CCDC146: variants seen among roughly 807,000 people sequenced by gnomAD.
The protein encoded by CCDC146 is coiled-coil domain-containing protein 146.
Under a neutral mutation model 119.3 loss-of-function variants are expected in CCDC146, and 92 were observed. That is an observed-to-expected ratio of 0.77 (90% CI 0.65 to 0.92). CCDC146 has a LOEUF of 0.92. Among genes scored for constraint, CCDC146 ranks in the 40% least tolerant of loss-of-function variants. The probability of loss-of-function intolerance (pLI) is 0.00; values close to 1 mark genes in which losing one functional copy is unlikely to be tolerated. For missense variants in CCDC146, 1,000 were observed against 1,103.0 expected, an observed-to-expected ratio of 0.91 and a Z score of 1.32; for synonymous variants, 372 against 371.8, an observed-to-expected ratio of 1.00 and a Z score of -0.01.
In CCDC146 at chr7:77,287,435, CAT is replaced by C; in HGVS notation, c.2278-3_2278-2del. On this transcript the variant is annotated splice_region_variant and splice_polypyrimidine_tract_variant and intron_variant, in intron 16 of 18. Transcript: ENST00000285871. ...TATTCCTCTTGAACCAATTTTCAAA[CAT>C]AGCTGGAACTACAACTGGCCAAGAA... 3 of 1,613,208 alleles carry C rather than the reference CAT, an allele frequency of 1.9e-6. No individual in the cohort carries two copies. The highest frequency in any genetic ancestry group is 2.5e-6 in the Non-Finnish European group (3 of 1,179,658).
chr7:77,163,847 CTTTCTTTTT>C (rs1225406165), intron 1 of CCDC146, among the ~76,000 whole-genome samples: 2 of 132,886 alleles, frequency 1.5e-5, no homozygotes, highest in East Asian at 4.4e-4. Context: ...TTCTTTCTTT[CTTTCTTTTT>C]TTTCTTTTTT....
chr7:77,256,232 A>C (rs1018351970), intron 5 of CCDC146, 101 bp from the exon 6 acceptor site: 4 of 805,174 alleles, frequency 5.0e-6, no homozygotes, highest in Non-Finnish European at 7.6e-6. Context: ...TTCAAAACAA[A>C]TATAATCAAA....
At chr7:77,276,005 G>T (rs1242962241) in intron 11 of CCDC146, among the ~76,000 whole-genome samples, 1 of 151,888 alleles carries the variant, frequency 6.6e-6, no homozygotes, top group African/African-American at 2.4e-5. Flanking sequence ...TCAGGAGTTT[G>T]AGACCAGCCT....
intron 9 of CCDC146, among the ~76,000 whole-genome samples, chr7:77,270,887 A>T (rs1474822374): frequency 1.3e-5 from 2 of 152,206 alleles, no homozygotes; most frequent in Non-Finnish European, 2.9e-5. Context: ...AGCAAAAGAC[A>T]TAAATGATTG....
intron 15 of CCDC146, among the ~76,000 whole-genome samples, chr7:77,284,401 T>A (rs576992755): frequency 1.3e-5 from 2 of 152,034 alleles, no homozygotes; most frequent in East Asian, 3.9e-4. Flanking sequence ...CCCCAGGAAC[T>A]CCATGCTTGC....
At chr7:77,209,763 A>G (rs1792147739) in intron 2 of CCDC146, among the ~76,000 whole-genome samples, 1 of 152,196 alleles carries the variant, frequency 6.6e-6, no homozygotes, top group African/African-American at 2.4e-5. Flanking sequence ...TGCCCTCTGC[A>G]CACCCACAGG....
rs1434859574 is a variant in CCDC146, at chr7:77,196,824, C to T, written c.156+29000C>T. The T allele has an allele frequency of 6.2e-6, 10 of 1,614,116 alleles. No homozygotes were observed. Among genetic ancestry groups the T allele is most frequent in the African/African-American group, 2.7e-5 (2 of 75,020 alleles). Reference sequence around the variant, plus strand: ...GTTCTGGTGAAGTTGGTGCTCCCATCGAGACGTGCCTGCAGCACTGTCCAG... The same window carrying T: ...GTTCTGGTGAAGTTGGTGCTCCCATTGAGACGTGCCTGCAGCACTGTCCAG... On this transcript the variant is annotated intron_variant, in intron 2 of 18. Coordinates refer to ENST00000285871, the MANE Select transcript of CCDC146 (RefSeq NM_020879.3). This position sits in a 1 kb window ranked among gnomAD's most constrained non-coding sequence, Gnocchi z 4.2.
intron 1 of CCDC146, among the ~76,000 whole-genome samples, chr7:77,127,433 A>G (rs1790705201): frequency 6.6e-6 from 1 of 152,064 alleles, no homozygotes. Flanking sequence ...TTTCCTCCCT[A>G]CTGCAGCCAG....
intron 3 of CCDC146, among the ~76,000 whole-genome samples, chr7:77,239,765 G>T (rs977375207): frequency 1.3e-5 from 2 of 152,200 alleles, no homozygotes; most frequent in African/African-American, 4.8e-5. Flanking sequence ...GGTTGGAGCC[G>T]ATGCTTGCTG....
At chr7:77,161,641 G>T (rs1231030653) in intron 1 of CCDC146, among the ~76,000 whole-genome samples, 3 of 112,172 alleles carry the variant, frequency 2.7e-5, no homozygotes, top group Admixed American at 1.2e-4. Flanking sequence ...CTGTTGTGGG[G>T]TGGGGGGAGG....
intron 2 of CCDC146, among the ~76,000 whole-genome samples, chr7:77,220,222 G>T (rs1006918730): frequency 6.6e-6 from 1 of 152,052 alleles, no homozygotes; most frequent in Non-Finnish European, 1.5e-5. Flanking sequence ...GCTGTTCCTC[G>T]CTGAGAAAAA....
chr7:77,241,911 A>C lies in CCDC146; in HGVS notation c.449+11A>C, dbSNP rs1792856533. 2.6e-5 allele frequency: 42 copies of C among 1,589,626 alleles called. No homozygotes were observed. Among genetic ancestry groups the C allele is most frequent in the Non-Finnish European group, 3.5e-5 (40 of 1,158,588 alleles). Reference sequence around the variant, plus strand: ...GTACAGATTAAATAGGTAAGTGCACAGTTCTCTCCGGCACACTGAAAAGTC... The same window carrying C: ...GTACAGATTAAATAGGTAAGTGCACCGTTCTCTCCGGCACACTGAAAAGTC... On this transcript the variant is annotated intron_variant, in intron 4 of 18. Transcript: ENST00000285871.
intron 2 of CCDC146, among the ~76,000 whole-genome samples, chr7:77,180,528 AC>A (rs1200532246): frequency 6.6e-6 from 1 of 152,060 alleles, no homozygotes; most frequent in East Asian, 1.9e-4. Context: ...GTGAGACCCC[AC>A]CTTTACAAAA....
chr7:77,173,947 CTCTT>C (rs1229976557), intron 2 of CCDC146, among the ~76,000 whole-genome samples: 1 of 152,080 alleles, frequency 6.6e-6, no homozygotes, highest in Non-Finnish European at 1.5e-5. Flanking sequence ...CGTCTTTATT[CTCTT>C]TGTCAGTTTG....
At chr7:77,275,207 T>C (rs1381388229) in intron 11 of CCDC146, among the ~76,000 whole-genome samples, 4 of 152,192 alleles carry the variant, frequency 2.6e-5, no homozygotes, top group African/African-American at 9.6e-5. Context: ...CCTGCAAATA[T>C]GGAAGGCCCA....
chr7:77,280,488 A>G lies in CCDC146; in HGVS notation c.1754A>G (p.Gln585Arg). Residue 585 changes from glutamine (Q) to arginine (R), a missense_variant, in exon 14 of 19, where the codon CAA becomes CGA. Physicochemically the swap from Gln to Arg is conservative, Grantham distance 43. Coordinates refer to ENST00000285871, the MANE Select transcript of CCDC146 (RefSeq NM_020879.3). ...ANNVTIRESMQNDVRKIVSKL... is the reference protein window; with the variant it reads ...ANNVTIRESMRNDVRKIVSKL... ...AATGTTACCATCAGAGAGAGCATGC[A>G]AAACGATGTGCGCAAAATTGTATCA... 6.2e-7 allele frequency: 1 copy of G among 1,614,228 alleles called. No individual in the cohort carries two copies. Among genetic ancestry groups the G allele is most frequent in the Non-Finnish European group, 8.5e-7 (1 of 1,180,024 alleles).
chr7:77,146,539 G>A (rs1173294323), intron 1 of CCDC146, among the ~76,000 whole-genome samples: 1 of 152,134 alleles, frequency 6.6e-6, no homozygotes, highest in Non-Finnish European at 1.5e-5. Context: ...TTTTTGCAGT[G>A]GCTCATACCA....
intron 2 of CCDC146, among the ~76,000 whole-genome samples, chr7:77,172,906 T>C (rs1276179569): frequency 6.6e-6 from 1 of 152,180 alleles, no homozygotes; most frequent in Non-Finnish European, 1.5e-5. Context: ...AGATCCTGGC[T>C]CAAATCTCTT....
intron 1 of CCDC146, among the ~76,000 whole-genome samples, chr7:77,126,713 C>T (rs967553085): frequency 6.6e-6 from 1 of 152,058 alleles, no homozygotes; most frequent in Non-Finnish European, 1.5e-5. Flanking sequence ...GTCTGTCTAT[C>T]CTCTTCGTCC....
Sources: allele counts gnomAD v4.1 joint callset (sites outside exome capture counted in the v4.1 genomes callset), GRCh38; gene constraint gnomAD v4.1.1; non-coding constraint Gnocchi (gnomAD v3.1); transcripts MANE v1.5; gene names NCBI Gene and HGNC (gene_info 2026-07-23, HGNC 2026-07-21).